CDC73: variants seen among roughly 807,000 people sequenced by gnomAD.
CDC73 encodes the protein cell division cycle 73, also known as parafibromin.
A neutral mutation model predicts 83.7 loss-of-function variants in CDC73; 21 were observed. The observed-to-expected ratio is 0.25, with a 90% CI of 0.18 to 0.36. CDC73 has a LOEUF of 0.36. Among genes scored for constraint, CDC73 ranks in the 10% least tolerant of loss-of-function variants. The pLI is 1.00. For missense variants in CDC73, 342 were observed against 653.3 expected (o/e 0.52, Z 5.19); for synonymous variants, 224 against 212.9 (o/e 1.05, Z -0.45).
Position 193,252,058 on chromosome 1 carries a change from T to C in CDC73, c.*1346T>C, listed in dbSNP as rs937306129. ...AGCTTCTTAATGAAATTTAACACTG[T>C]CACAAAAATGAGAAGTTATTATTTT... On this transcript the variant is annotated 3_prime_UTR_variant, in exon 17 of 17. Transcript: ENST00000367435. 16 of 231,454 alleles carry C rather than the reference T, an allele frequency of 6.9e-5. 1 individual carries two copies. The South Asian group carries it at 2.7e-3, about 39-fold the overall frequency. 14.3% of individuals were successfully genotyped at this position (231,454 alleles called of 1,614,324 possible).
At chr1:193,130,472 A>G (rs578177272) in intron 3 of CDC73, among the ~76,000 whole-genome samples, 1 of 152,204 alleles carries the variant, frequency 6.6e-6, no homozygotes, top group Admixed American at 6.5e-5. Flanking sequence ...ACAGTCTCAA[A>G]GACTTTGTCT....
At chr1:193,211,783 T>G (rs1677284082) in intron 11 of CDC73, among the ~76,000 whole-genome samples, 1 of 152,180 alleles carries the variant, frequency 6.6e-6, no homozygotes, top group Admixed American at 6.5e-5. Context: ...AATTTTCTAT[T>G]TAATATTTTC....
At chr1:193,233,249 T>TG in intron 14 of CDC73, 95 bp downstream of exon 14, 1 of 1,140,388 alleles carries the variant, frequency 8.8e-7, no homozygotes, top group South Asian at 1.2e-5. Flanking sequence ...TTTTAAGAGA[T>TG]GGGGTCTCAC....
chr1:193,134,252 T>C (rs1485045158), intron 3 of CDC73, among the ~76,000 whole-genome samples: 3 of 152,084 alleles, frequency 2.0e-5, no homozygotes, highest in Non-Finnish European at 4.4e-5. Flanking sequence ...TGACTTTATA[T>C]TAATATATTA....
intron 11 of CDC73, among the ~76,000 whole-genome samples, chr1:193,210,735 AAGAT>A (rs1196622665): frequency 6.6e-6 from 1 of 152,146 alleles, no homozygotes; most frequent in African/African-American, 2.4e-5. Context: ...GTTAAAAAGA[AAGAT>A]AGGAAGATTT....
At chr1:193,214,746 A>G (rs1029900302) in intron 13 of CDC73, among the ~76,000 whole-genome samples, 11 of 152,178 alleles carry the variant, frequency 7.2e-5, no homozygotes, top group African/African-American at 2.7e-4. Context: ...ATTATTTTAT[A>G]AGCTATTTGG....
In CDC73 at chr1:193,211,432, C is replaced by A. The variant is rs114881105; in HGVS notation, c.1031-633C>A. 2.7e-3 allele frequency among the ~76,000 whole-genome samples: 410 copies of A among 152,252 alleles called. 2 individuals are homozygous for A. Among genetic ancestry groups the A allele is most frequent in the Non-Finnish European group, 4.7e-3 (318 of 68,010 alleles). The stretch of plus-strand genomic sequence containing the variant: ...TGTGATTTTATTTTTTTCTCTTCAA[C>A]TTAGTAGTAGAGATTTTCTTGTCTA... On this transcript the variant is annotated intron_variant, in intron 11 of 16. Transcript: ENST00000367435.
intron 10 of CDC73, among the ~76,000 whole-genome samples, chr1:193,201,186 G>A (rs1442603310): frequency 6.6e-6 from 1 of 152,024 alleles, no homozygotes; most frequent in Non-Finnish European, 1.5e-5. Flanking sequence ...ACAAAATTAG[G>A]TAACATTTTT....
chr1:193,159,024 A>AT (rs1311844952), intron 10 of CDC73, among the ~76,000 whole-genome samples: 3 of 152,146 alleles, frequency 2.0e-5, no homozygotes, highest in African/African-American at 4.8e-5. Context: ...AATAGGCAAT[A>AT]TTTTTTTCTC....
In CDC73 at chr1:193,192,073, G is replaced by A. The variant is rs145811720; in HGVS notation, c.973-11722G>A. Among the ~76,000 whole-genome samples the A allele has an allele frequency of 9.6e-3, 1,465 of 152,238 alleles. 15 individuals are homozygous for A. Among genetic ancestry groups the A allele is most frequent in the South Asian group, 0.034 (164 of 4,820 alleles). On this transcript the variant is annotated intron_variant, in intron 10 of 16. Transcript: ENST00000367435. ...AAATTCTACTAAAACTTTGCAAAGA[G>A]GCATAGTTACCCTAATATAAATTAT...
chr1:193,191,918 C>T (rs997816491), intron 10 of CDC73, among the ~76,000 whole-genome samples: 2 of 152,088 alleles, frequency 1.3e-5, no homozygotes, highest in Non-Finnish European at 2.9e-5. Flanking sequence ...TAAATTATTT[C>T]AGGCAGCTTA....
intron 10 of CDC73, among the ~76,000 whole-genome samples, chr1:193,163,632 T>C (rs997831688): frequency 3.9e-5 from 6 of 152,196 alleles, no homozygotes; most frequent in East Asian, 1.9e-4. Flanking sequence ...TCTAATACTT[T>C]CTAATAAATT....
At chr1:193,220,772 G>T (rs1473316123) in intron 13 of CDC73, among the ~76,000 whole-genome samples, 1 of 152,054 alleles carries the variant, frequency 6.6e-6, no homozygotes. Context: ...TGAGTTTTTT[G>T]ATTGCATATG....
intron 10 of CDC73, among the ~76,000 whole-genome samples, chr1:193,192,350 C>G (rs551287924): frequency 1.3e-5 from 2 of 152,044 alleles, no homozygotes; most frequent in Non-Finnish European, 2.9e-5. Flanking sequence ...GGCTGAGGCA[C>G]GAGAATCACT....
chr1:193,245,193 T>C (rs1318712116), intron 15 of CDC73, among the ~76,000 whole-genome samples: 1 of 152,216 alleles, frequency 6.6e-6, no homozygotes, highest in East Asian at 1.9e-4. Context: ...TGTATTATTG[T>C]TAACTATAAT....
At chr1:193,163,714 A>G (rs1397442181) in intron 10 of CDC73, among the ~76,000 whole-genome samples, 1 of 152,258 alleles carries the variant, frequency 6.6e-6, no homozygotes, top group East Asian at 1.9e-4. Context: ...CATCATTAAT[A>G]TTTTTGAAAA....
chr1:193,207,811 G>A (rs1677214367), intron 11 of CDC73, among the ~76,000 whole-genome samples: 2 of 152,280 alleles, frequency 1.3e-5, no homozygotes, highest in South Asian at 4.1e-4. Flanking sequence ...TACATTCTCA[G>A]TTTACGAAGA....
intron 1 of CDC73, among the ~76,000 whole-genome samples, chr1:193,123,358 G>A (rs1428366459): frequency 6.6e-6 from 1 of 152,166 alleles, no homozygotes; most frequent in Non-Finnish European, 1.5e-5. Context: ...CTCCTGAGTA[G>A]CTGAGGTTGC....
At chr1:193,159,524 C>A (rs535267791) in intron 10 of CDC73, among the ~76,000 whole-genome samples, 27 of 152,174 alleles carry the variant, frequency 1.8e-4, no homozygotes, top group Admixed American at 3.3e-4. Context: ...GCGTGCACCA[C>A]CATGCCTGGC....
Sources: gnomAD v4.1 joint callset for allele counts (sites outside exome capture counted in the v4.1 genomes callset) on GRCh38, gnomAD v4.1.1 for gene constraint, MANE v1.5 for transcripts, NCBI Gene and HGNC (gene_info 2026-07-23, HGNC 2026-07-21) for gene names.